The following NRG3 variants were observed in gnomAD, a reference collection of about 807,000 sequenced individuals.
NRG3 encodes the protein neuregulin 3.
NRG3 carries 31 observed loss-of-function variants against 66.9 expected under a neutral mutation model. The observed-to-expected ratio is 0.46, with a 90% CI of 0.35 to 0.63. NRG3 has a LOEUF of 0.63. Among genes scored for constraint, NRG3 ranks in the 20% least tolerant of loss-of-function variants. The pLI is 0.00. For synonymous variants in NRG3, 393 were observed against 359.4 expected (o/e 1.09, Z -1.06); for missense variants, 910 against 878.9 (o/e 1.04, Z -0.45).
chr10:82,952,497 G>C lies in NRG3; in HGVS notation c.1157+926G>C, dbSNP rs1028163326. 1.0e-3 allele frequency among the ~76,000 whole-genome samples: 153 copies of C among 150,390 alleles called. 2 individuals are homozygous for C. Among genetic ancestry groups the C allele is most frequent in the African/African-American group, 3.5e-3 (142 of 40,654 alleles). ...TGTGTGTGTGTGTGTGTGTGTGTGT[G>C]TGTGTGTGTGTGTGTGTGTGTGTAT... On this transcript the variant is annotated intron_variant, in intron 5 of 8. Transcript: ENST00000372141.
At chr10:82,895,059 C>CA (rs1843518154) in intron 4 of NRG3, among the ~76,000 whole-genome samples, 1 of 152,158 alleles carries the variant, frequency 6.6e-6, no homozygotes. Context: ...CGTGTGCCTG[C>CA]AAAGGACATG....
At chr10:82,970,629 A>G (rs925612950) in intron 6 of NRG3, among the ~76,000 whole-genome samples, 1 of 152,166 alleles carries the variant, frequency 6.6e-6, no homozygotes. Context: ...ATAGTCTTTA[A>G]CATAAGAATA....
At chr10:82,029,920 A>G (rs996995431) in intron 1 of NRG3, among the ~76,000 whole-genome samples, 19 of 152,148 alleles carry the variant, frequency 1.2e-4, no homozygotes, top group African/African-American at 4.3e-4. Flanking sequence ...GCCTTAGGGA[A>G]TAATAGAATC....
intron 2 of NRG3, among the ~76,000 whole-genome samples, chr10:82,413,928 G>T (rs2088321065): frequency 6.6e-6 from 1 of 152,120 alleles, no homozygotes; most frequent in South Asian, 2.1e-4. Context: ...TTGGTTTAGG[G>T]TAATGTTGTG....
At chr10:82,315,126 A>C (rs963838327) in intron 1 of NRG3, among the ~76,000 whole-genome samples, 2 of 152,224 alleles carry the variant, frequency 1.3e-5, no homozygotes, top group Admixed American at 6.5e-5. Context: ...CCATGGTTAA[A>C]ATGATGTGTA....
chr10:82,303,510 A>T (rs1216772898), intron 1 of NRG3, among the ~76,000 whole-genome samples: 2 of 152,220 alleles, frequency 1.3e-5, no homozygotes, highest in African/African-American at 4.8e-5. Context: ...TTAAAGTCAT[A>T]GTCTTTGTAA....
At chr10:82,841,722 A>G (rs937049980) in intron 3 of NRG3, among the ~76,000 whole-genome samples, 3 of 152,206 alleles carry the variant, frequency 2.0e-5, no homozygotes, top group African/African-American at 7.2e-5. Flanking sequence ...GATGTTAACC[A>G]TATCTCCAAA....
chr10:82,971,278 C>G (rs1272164677), intron 6 of NRG3, among the ~76,000 whole-genome samples: 1 of 152,046 alleles, frequency 6.6e-6, no homozygotes, highest in Non-Finnish European at 1.5e-5. Context: ...AATATCCAAA[C>G]TATATCACTT....
At chr10:82,256,244 A>G (rs1423254808) in intron 1 of NRG3, among the ~76,000 whole-genome samples, 1 of 152,172 alleles carries the variant, frequency 6.6e-6, no homozygotes, top group Non-Finnish European at 1.5e-5. Context: ...TTTTCTAAAC[A>G]TGAAATCTAC....
intron 4 of NRG3, among the ~76,000 whole-genome samples, chr10:82,908,296 C>G (rs1187521580): frequency 6.6e-6 from 1 of 152,174 alleles, no homozygotes; most frequent in African/African-American, 2.4e-5. Flanking sequence ...ATGAGCAAGA[C>G]TTCTGCAGTG....
chr10:82,551,994 C>T (rs1009657874), intron 2 of NRG3, among the ~76,000 whole-genome samples: 6 of 151,874 alleles, frequency 4.0e-5, no homozygotes, highest in East Asian at 1.9e-4. Flanking sequence ...TGGGCCCATT[C>T]GAACTGTAGT....
chr10:82,726,155 T>C (rs1226779476), intron 2 of NRG3, among the ~76,000 whole-genome samples: 1 of 152,080 alleles, frequency 6.6e-6, no homozygotes, highest in East Asian at 1.9e-4. Context: ...TCTCCAGAAA[T>C]TTGGGAAAAT....
chr10:81,934,910 C>T (rs1402048984), intron 1 of NRG3, among the ~76,000 whole-genome samples: 1 of 152,160 alleles, frequency 6.6e-6, no homozygotes, highest in Admixed American at 6.5e-5. Context: ...ATTCCTATCT[C>T]CCCAGGGCCA....
At chr10:82,402,179 A>C (rs1654354340) in intron 2 of NRG3, among the ~76,000 whole-genome samples, 1 of 152,088 alleles carries the variant, frequency 6.6e-6, no homozygotes, top group African/African-American at 2.4e-5. Context: ...ATTTTAAAGA[A>C]GCCACTGAGA....
chr10:82,824,145 A>G (rs938111214), intron 3 of NRG3, among the ~76,000 whole-genome samples: 2 of 152,266 alleles, frequency 1.3e-5, no homozygotes, highest in Non-Finnish European at 2.9e-5. Flanking sequence ...AGCCTTTTGT[A>G]TCTGGCTTCT....
At chr10:82,045,828 C>A (rs542923314) in intron 1 of NRG3, among the ~76,000 whole-genome samples, 1 of 108,484 alleles carries the variant, frequency 9.2e-6, no homozygotes, top group African/African-American at 3.5e-5. Flanking sequence ...ATAGGGAATC[C>A]TTTCCCCATT....
intron 1 of NRG3, among the ~76,000 whole-genome samples, chr10:82,062,081 G>A (rs1486601317): frequency 6.6e-6 from 1 of 152,128 alleles, no homozygotes; most frequent in African/African-American, 2.4e-5. Context: ...CAGGTATCAT[G>A]CAGTCTGGAC....
chr10:82,510,100 A>C (rs1039194734), intron 2 of NRG3, among the ~76,000 whole-genome samples: 1 of 152,072 alleles, frequency 6.6e-6, no homozygotes, highest in Non-Finnish European at 1.5e-5. Flanking sequence ...ATTTTCAGTG[A>C]AATATTTATT....
intron 4 of NRG3, among the ~76,000 whole-genome samples, chr10:82,922,629 T>C (rs1004082883): frequency 3.3e-5 from 5 of 152,194 alleles, no homozygotes; most frequent in Non-Finnish European, 5.9e-5. Context: ...ATGTGTTGTC[T>C]GGAGGATGCC....
Sources: allele counts gnomAD v4.1 joint callset (sites outside exome capture counted in the v4.1 genomes callset), GRCh38; gene constraint gnomAD v4.1.1; transcripts MANE v1.5; gene names NCBI Gene and HGNC (gene_info 2026-07-23, HGNC 2026-07-21).